The following ELP4 variants were observed in gnomAD, a reference collection of about 807,000 sequenced individuals.
The protein encoded by ELP4 is elongator acetyltransferase complex subunit 4, also known as elongator complex protein 4.
A neutral mutation model predicts 48.9 loss-of-function variants in ELP4; 51 were observed. That is an observed-to-expected ratio of 1.04 (90% CI 0.83 to 1.32). The LOEUF is 1.32. ELP4 is among the 40% of genes most tolerant of loss of function. ELP4 has a pLI of 0.00. For synonymous variants in ELP4, 210 were observed against 189.2 expected, an observed-to-expected ratio of 1.11 and a Z score of -0.90; for missense variants, 519 against 514.6, an observed-to-expected ratio of 1.01 and a Z score of -0.08.
At chr11:31,544,164 A>T (rs1480173174) in intron 3 of ELP4, among the ~76,000 whole-genome samples, 1 of 152,238 alleles carries the variant, frequency 6.6e-6, no homozygotes, top group African/African-American at 2.4e-5. Flanking sequence ...CAGTGGGTGC[A>T]GTGCACCATG....
chr11:31,544,495 G>A (rs541422203), intron 3 of ELP4, among the ~76,000 whole-genome samples: 31 of 152,304 alleles, frequency 2.0e-4, no homozygotes, highest in South Asian at 1.2e-3. Flanking sequence ...CAAAGCAGCC[G>A]GAAAGCTCCA....
chr11:31,561,360 G>A (rs1464419311), intron 3 of ELP4, among the ~76,000 whole-genome samples: 11 of 152,250 alleles, frequency 7.2e-5, no homozygotes, highest in Non-Finnish European at 1.0e-4. Context: ...AGATGCCAAA[G>A]TTCATTCTTG....
chr11:31,705,682 T>A (rs1946615983), intron 9 of ELP4, among the ~76,000 whole-genome samples: 1 of 152,170 alleles, frequency 6.6e-6, no homozygotes, highest in South Asian at 2.1e-4. Context: ...AACTTTCTCT[T>A]AAAGGAAAAA....
At chr11:31,645,218 G>A (rs1166266779) in intron 7 of ELP4, among the ~76,000 whole-genome samples, 4 of 151,696 alleles carry the variant, frequency 2.6e-5, no homozygotes, top group Non-Finnish European at 5.9e-5. Flanking sequence ...ACATGAATGA[G>A]TTTCTGGAAA....
intron 9 of ELP4, among the ~76,000 whole-genome samples, chr11:31,739,528 T>C (rs180816894): frequency 6.6e-6 from 1 of 152,328 alleles, no homozygotes; most frequent in Non-Finnish European, 1.5e-5. Context: ...TGTAAGGTTA[T>C]TAATAGTGAA....
At chr11:31,683,174 A>G (rs1946090818) in intron 9 of ELP4, among the ~76,000 whole-genome samples, 1 of 152,132 alleles carries the variant, frequency 6.6e-6, no homozygotes, top group South Asian at 2.1e-4. Context: ...TATTTTTAGA[A>G]CAGCTTATTT....
At chr11:31,777,203 C>G (rs1009586705) in intron 9 of ELP4, among the ~76,000 whole-genome samples, 1 of 152,062 alleles carries the variant, frequency 6.6e-6, no homozygotes, top group Non-Finnish European at 1.5e-5. Flanking sequence ...AAACAACACT[C>G]TGAAATCTTG....
chr11:31,595,611 T>C (rs1256189720), intron 4 of ELP4, among the ~76,000 whole-genome samples: 1 of 152,238 alleles, frequency 6.6e-6, no homozygotes, highest in East Asian at 1.9e-4. Context: ...GATAGAAATA[T>C]GTGTATGATA....
chr11:31,591,322 C>T (rs1957566199), intron 3 of ELP4, among the ~76,000 whole-genome samples: 1 of 142,906 alleles, frequency 7.0e-6, no homozygotes, highest in South Asian at 2.2e-4. Flanking sequence ...AAGAGAATGG[C>T]ATGAACCCGA....
At chr11:31,686,328 G>GTTTT (rs376488709) in intron 9 of ELP4, among the ~76,000 whole-genome samples, 2 of 122,526 alleles carry the variant, frequency 1.6e-5, no homozygotes, top group African/African-American at 3.0e-5. Context: ...TTGTGGGTTG[G>GTTTT]TTTTTTTTTT....
intron 9 of ELP4, among the ~76,000 whole-genome samples, chr11:31,708,322 G>A (rs961604413): frequency 6.6e-6 from 1 of 152,130 alleles, no homozygotes; most frequent in Non-Finnish European, 1.5e-5. Context: ...GTAAGCCCAT[G>A]AAATGTAACC....
intron 4 of ELP4, among the ~76,000 whole-genome samples, chr11:31,603,149 A>G (rs1172244677): frequency 6.6e-6 from 1 of 151,858 alleles, no homozygotes; most frequent in Non-Finnish European, 1.5e-5. Flanking sequence ...TGATTGATCT[A>G]ATGTGGGTCA....
At chr11:31,616,488 G>A (rs1049761593) in intron 5 of ELP4, among the ~76,000 whole-genome samples, 3 of 151,942 alleles carry the variant, frequency 2.0e-5, no homozygotes, top group African/African-American at 7.2e-5. Flanking sequence ...GAAAACATAG[G>A]GGAAACATTT....
intron 3 of ELP4, among the ~76,000 whole-genome samples, chr11:31,591,336 G>A (rs1011719386): frequency 9.5e-5 from 14 of 148,090 alleles, no homozygotes; most frequent in African/African-American, 2.8e-4. Flanking sequence ...AACCCGAGAG[G>A]TGGAGCTTGC....
rs369760468 is a variant in ELP4, at chr11:31,550,215, A to G, written c.381+10432A>G. Among the ~76,000 whole-genome samples the G allele has an allele frequency of 5.9e-5, 9 of 152,306 alleles. No individual in the cohort carries two copies. In the East Asian group the frequency reaches 1.7e-3, roughly 29 times the overall value. The stretch of plus-strand genomic sequence containing the variant: ...AGAAGGACTGGAAATAAGTAAATAT[A>G]TAATACTTTTATTTAAGTGAGTATA... On this transcript the variant is annotated intron_variant, in intron 3 of 9. Transcript: ENST00000640961.
chr11:31,766,921 A>G (rs1485652074), intron 9 of ELP4, among the ~76,000 whole-genome samples: 1 of 152,120 alleles, frequency 6.6e-6, no homozygotes, highest in Non-Finnish European at 1.5e-5. Flanking sequence ...TACTTGATAT[A>G]TTTCTAAAGG....
intron 9 of ELP4, among the ~76,000 whole-genome samples, chr11:31,672,320 AGTT>A (rs1369958411): frequency 3.9e-5 from 6 of 152,182 alleles, no homozygotes; most frequent in African/African-American, 7.2e-5. Context: ...TGTTTATTGA[AGTT>A]GTACGATTAT....
chr11:31,785,705 T>C lies in ELP4; in HGVS notation c.*2181T>C, dbSNP rs1386896200. The C allele has an allele frequency of 1.0e-5, 2 of 192,682 alleles. No individual in the cohort carries two copies. The highest frequency in any genetic ancestry group is 2.2e-5 in the Non-Finnish European group (2 of 92,360). 11.9% of individuals were successfully genotyped at this position (192,682 alleles called of 1,614,324 possible). ...TTGTCTTCCTCTGATAAAAACGCAC[T>C]CTGAAAATGTGTTTTCCTTTCTTCT... is the stretch of plus-strand genomic sequence containing the variant. On this transcript the variant is annotated 3_prime_UTR_variant, in exon 10 of 10. Transcript: ENST00000640961.
At position 31,776,152 on chromosome 11, in the gene ELP4, CAAAAAAAAA is replaced by C. The variant is rs371572032; in HGVS notation, c.1144-7226_1144-7218del. Among the ~76,000 whole-genome samples the C allele has an allele frequency of 1.2e-4, 6 of 51,718 alleles. No individual in the cohort carries two copies. In the South Asian group the frequency reaches 2.7e-3, roughly 24 times the overall value. 33.9% of individuals were successfully genotyped at this position (51,718 alleles called of 152,430 possible). On this transcript the variant is annotated intron_variant, in intron 9 of 9. Transcript: ENST00000640961. ...GGCAAAAGAGTGAGACCCTATCTCA[CAAAAAAAAA>C]AAAAAAAAAAAAAAGAGTATGGGAT... is the stretch of plus-strand genomic sequence containing the variant.
Sources: gnomAD v4.1 joint callset for allele counts (sites outside exome capture counted in the v4.1 genomes callset) on GRCh38, gnomAD v4.1.1 for gene constraint, MANE v1.5 for transcripts, NCBI Gene and HGNC (gene_info 2026-07-23, HGNC 2026-07-21) for gene names.